KLHDC8A: variants seen among roughly 807,000 people sequenced by gnomAD.
KLHDC8A encodes the protein kelch domain containing 8A.
Under a neutral mutation model 33.1 loss-of-function variants are expected in KLHDC8A, and 21 were observed. The ratio of observed to expected loss-of-function variants is 0.64; its 90% CI spans 0.45 to 0.91. The LOEUF is 0.91. Ranked by LOEUF, KLHDC8A falls within the 40% of genes least tolerant of loss-of-function variation. The pLI, the probability that KLHDC8A is intolerant of heterozygous loss-of-function variation, is 0.00. For missense variants in KLHDC8A, 435 were observed against 483.3 expected (o/e 0.90, Z 0.94); for synonymous variants, 173 against 193.5 (o/e 0.89, Z 0.88).
At chr1:205,337,727 A>T (rs1318554432) in intron 5 of KLHDC8A, 135 bp from the exon 6 acceptor site, 7 of 623,158 alleles carry the variant, frequency 1.1e-5, no homozygotes, top group African/African-American at 1.8e-5. Context: ...CTACAGGATT[A>T]CTCCCTTTAC....
In KLHDC8A at chr1:205,343,415, G is replaced by C; in HGVS notation, c.190C>G (p.Arg64Gly). ...PEADQWTALP[R>G]LPTARAGVAV... ...ACCCCCGCCCGGGCTGTGGGCAGCC[G>C]GGGCAAGGCGGTCCACTGGTCGGCC... Residue 64 changes from arginine (R) to glycine (G), a missense_variant, in exon 2 of 6, where the codon CGG (arginine) becomes GGG (glycine). Physicochemically the swap from Arg to Gly is moderately radical, Grantham distance 125. Coordinates refer to ENST00000367155, the MANE Select transcript of KLHDC8A (RefSeq NM_018203.3). 6.2e-7 allele frequency: 1 copy of C among 1,613,178 alleles called. No individual in the cohort carries two copies.
At chr1:205,342,484 C>T (rs1662818181) in intron 2 of KLHDC8A, among the ~76,000 whole-genome samples, 1 of 152,206 alleles carries the variant, frequency 6.6e-6, no homozygotes, top group Non-Finnish European at 1.5e-5. Context: ...TGGAGCCTGG[C>T]ACTGTGCTGG....
At position 205,339,388 on chromosome 1, in the gene KLHDC8A, G is replaced by A. The variant is rs1476978862; in HGVS notation, c.563C>T (p.Ala188Val). The part of the protein sequence containing the change: ...YVLGGRQSKY[A>V]VNAFEVFDIE... Reference sequence around the variant, plus strand: ...GTCAAAGACCTCGAAAGCGTTGACCGCGTACTTGGACTGTCGTCCCCCTGG... The same window carrying A: ...GTCAAAGACCTCGAAAGCGTTGACCACGTACTTGGACTGTCGTCCCCCTGG... The change falls in exon 4 of 6, where the codon GCG (alanine) becomes GTG (valine). Residue 188 changes from alanine to valine, a missense_variant. Transcript: ENST00000367155. The surrounding 1 kb of genome is among the most constrained non-coding windows in gnomAD (Gnocchi z 5.1). 2.5e-5 allele frequency: 41 copies of A among 1,613,672 alleles called. No homozygotes were observed. The highest frequency in any genetic ancestry group is 1.2e-4 in the African/African-American group (9 of 74,928).
At chr1:205,351,325 G>T in intron 1 of KLHDC8A, 1 of 922,124 alleles carries the variant, frequency 1.1e-6, no homozygotes, top group Non-Finnish European at 1.8e-6. Flanking sequence ...TGGCAGACAT[G>T]TCCAAGGAAT....
intron 1 of KLHDC8A, among the ~76,000 whole-genome samples, chr1:205,353,517 AC>A (rs1234166163): frequency 2.0e-5 from 3 of 152,044 alleles, no homozygotes; most frequent in Non-Finnish European, 2.9e-5. Context: ...GGGGAATGCC[AC>A]CTTATTCTTT....
At position 205,337,198 on chromosome 1, in the gene KLHDC8A, T is replaced by A. The variant is rs1662656702; in HGVS notation, c.*201A>T. On this transcript the variant is annotated 3_prime_UTR_variant, in exon 6 of 6. Transcript: ENST00000367155. ...GTCAGCTCTGCAGCTGGTGGAGTCA[T>A]CTGTGCCTCTTACAGTTTTCTGAGA... The A allele has an allele frequency of 5.1e-6, 3 of 586,812 alleles. No individual in the cohort carries two copies. The highest frequency in any genetic ancestry group is 9.1e-6 in the Non-Finnish European group (3 of 329,318). The allele number at this position is 586,812 out of a possible 1,614,324, so 36.4% of individuals were successfully genotyped here.
chr1:205,344,496 G>C (rs954940305), intron 1 of KLHDC8A: 1 of 152,362 alleles, frequency 6.6e-6, no homozygotes, highest in African/African-American at 2.4e-5. Context: ...CTAGAACCAA[G>C]CACCCAGATG....
intron 1 of KLHDC8A, chr1:205,348,357 C>T (rs1004664204): frequency 6.6e-6 from 1 of 152,126 alleles, no homozygotes; most frequent in Admixed American, 6.5e-5. Context: ...CCTTATCCCT[C>T]CCCAGAAATA....
chr1:205,347,117 G>C (rs141303225), intron 1 of KLHDC8A, among the ~76,000 whole-genome samples: 2,101 of 152,186 alleles, frequency 0.014, 62 homozygotes, highest in African/African-American at 0.048. Flanking sequence ...CTTCCTCTCC[G>C]CCAGGTAACA....
intron 1 of KLHDC8A, among the ~76,000 whole-genome samples, chr1:205,350,816 T>TGTGTGTGCATGCGTGTGC (rs1663079304): frequency 6.6e-6 from 1 of 151,886 alleles, no homozygotes; most frequent in Non-Finnish European, 1.5e-5. Flanking sequence ...TGTGCATGTG[T>TGTGTGTGCATGCGTGTGC]GTGTGTGCAT....
chr1:205,345,259 T>C (rs1437410023), intron 1 of KLHDC8A, among the ~76,000 whole-genome samples: 1 of 152,254 alleles, frequency 6.6e-6, no homozygotes, highest in African/African-American at 2.4e-5. Flanking sequence ...CAGTTTCTTA[T>C]ACAGATAGAT....
intron 2 of KLHDC8A, 150 bp downstream of exon 2, chr1:205,343,079 G>A: frequency 9.0e-7 from 1 of 1,114,132 alleles, no homozygotes; most frequent in South Asian, 1.7e-5. Context: ...GGCGGCGGGA[G>A]GTGCAGGCAT....
In KLHDC8A at chr1:205,343,402, G is replaced by A. The variant is rs762201216; in HGVS notation, c.203C>T (p.Ala68Val). ...GGCGGTGACGGCCACCCCCGCCCGG[G>A]CTGTGGGCAGCCGGGGCAAGGCGGT... ...QWTALPRLPT[A>V]RAGVAVTALG... Residue 68 changes from alanine (A) to valine (V), a missense_variant, in exon 2 of 6, where the codon GCC becomes GTC. Coordinates refer to ENST00000367155, the MANE Select transcript of KLHDC8A (RefSeq NM_018203.3). The A allele has an allele frequency of 6.2e-7, 1 of 1,613,320 alleles. No homozygotes were observed. The highest frequency in any genetic ancestry group is 8.5e-7 in the Non-Finnish European group (1 of 1,179,788).
chr1:205,344,928 G>A (rs1345107294), intron 1 of KLHDC8A, among the ~76,000 whole-genome samples: 2 of 151,984 alleles, frequency 1.3e-5, no homozygotes, highest in South Asian at 4.2e-4. Context: ...ACCCACCACC[G>A]CCACCATCAC....
chr1:205,338,894 T>C (rs1313842576), intron 4 of KLHDC8A, among the ~76,000 whole-genome samples: 1 of 152,074 alleles, frequency 6.6e-6, no homozygotes, highest in African/African-American at 2.4e-5. Context: ...TGTTTCTCCA[T>C]CAGTAAAAAG....
chr1:205,343,159 T>C, intron 2 of KLHDC8A, 70 bp downstream of exon 2: 1 of 1,520,176 alleles, frequency 6.6e-7, no homozygotes, highest in Non-Finnish European at 8.8e-7. Context: ...TGCCTGTTGG[T>C]TTCCATCTGT....
intron 1 of KLHDC8A, among the ~76,000 whole-genome samples, chr1:205,349,075 T>C (rs899524128): frequency 9.2e-5 from 14 of 152,158 alleles, no homozygotes; most frequent in African/African-American, 3.4e-4. Context: ...AGAAGCCTCA[T>C]TAGGGCCTCC....
chr1:205,350,017 G>A (rs1444947717), intron 1 of KLHDC8A, among the ~76,000 whole-genome samples: 2 of 152,168 alleles, frequency 1.3e-5, no homozygotes, highest in East Asian at 1.9e-4. Context: ...CAGGCGGGGA[G>A]CCCTAGAGAA....
intron 1 of KLHDC8A, among the ~76,000 whole-genome samples, chr1:205,354,854 T>G (rs1266433696): frequency 6.6e-6 from 1 of 152,240 alleles, no homozygotes; most frequent in African/African-American, 2.4e-5. Flanking sequence ...GCATTGCACT[T>G]GATAATTTAC....
Sources: allele counts gnomAD v4.1 joint callset (sites outside exome capture counted in the v4.1 genomes callset), GRCh38; gene constraint gnomAD v4.1.1; non-coding constraint Gnocchi (gnomAD v3.1); transcripts MANE v1.5; gene names NCBI Gene and HGNC (gene_info 2026-07-23, HGNC 2026-07-21).